Variants in SPIDR observed in about 807,000 individuals in gnomAD.
The protein encoded by SPIDR is DNA repair-scaffolding protein.
Under a neutral mutation model 104.6 loss-of-function variants are expected in SPIDR, and 93 were observed. The ratio of observed to expected loss-of-function variants is 0.89; its 90% CI spans 0.75 to 1.06. The LOEUF (loss-of-function observed/expected upper bound fraction) is 1.06, where lower values mean the gene tolerates loss of function less well. SPIDR is among the 50% of genes least tolerant of loss of function. SPIDR has a pLI of 0.00. For missense variants in SPIDR, 1,154 were observed against 1,111.2 expected, an observed-to-expected ratio of 1.04 and a Z score of -0.55; for synonymous variants, 431 against 416.9, an observed-to-expected ratio of 1.03 and a Z score of -0.41.
intron 2 of SPIDR, among the ~76,000 whole-genome samples, chr8:47,283,571 A>C (rs2038235510): frequency 6.6e-6 from 1 of 152,244 alleles, no homozygotes; most frequent in Non-Finnish European, 1.5e-5. Flanking sequence ...CAGGATTGCC[A>C]GAAATTTTCA....
chr8:47,518,586 G>A (rs773606399), intron 8 of SPIDR, among the ~76,000 whole-genome samples: 3 of 151,884 alleles, frequency 2.0e-5, no homozygotes, highest in Non-Finnish European at 4.4e-5. Context: ...ACAGCCACTC[G>A]CTAGAACTGG....
chr8:47,522,113 G>A (rs1460232919), intron 8 of SPIDR, among the ~76,000 whole-genome samples: 1 of 150,912 alleles, frequency 6.6e-6, no homozygotes, highest in Admixed American at 6.6e-5. Flanking sequence ...GCAGTGAGCC[G>A]AGATCGTGCC....
At chr8:47,552,278 C>T (rs1415379352) in intron 8 of SPIDR, among the ~76,000 whole-genome samples, 3 of 152,148 alleles carry the variant, frequency 2.0e-5, no homozygotes, top group Non-Finnish European at 4.4e-5. Context: ...CTGTAGATGT[C>T]TATTAGGTCT....
chr8:47,698,084 A>G (rs2079613038), intron 11 of SPIDR, among the ~76,000 whole-genome samples: 1 of 152,240 alleles, frequency 6.6e-6, no homozygotes. Flanking sequence ...TAATTAAGTT[A>G]TCAAATCATA....
At chr8:47,275,425 G>T (rs1395103463) in intron 1 of SPIDR, among the ~76,000 whole-genome samples, 5 of 151,678 alleles carry the variant, frequency 3.3e-5, no homozygotes, top group African/African-American at 1.2e-4. Flanking sequence ...TAAATTTAAT[G>T]TCATTAGTTT....
At chr8:47,382,856 C>G (rs1371754755) in intron 5 of SPIDR, among the ~76,000 whole-genome samples, 2 of 152,222 alleles carry the variant, frequency 1.3e-5, no homozygotes, top group South Asian at 4.1e-4. Flanking sequence ...CACTTCCCCC[C>G]ATTGCATACA....
chr8:47,605,337 C>T (rs773232542), intron 10 of SPIDR, among the ~76,000 whole-genome samples: 15 of 152,184 alleles, frequency 9.9e-5, no homozygotes, highest in Non-Finnish European at 1.8e-4. Flanking sequence ...TGGGTCACTT[C>T]ACGAGCAGGA....
intron 10 of SPIDR, among the ~76,000 whole-genome samples, chr8:47,657,537 A>G (rs1456561960): frequency 2.0e-5 from 3 of 152,198 alleles, no homozygotes; most frequent in Non-Finnish European, 4.4e-5. Flanking sequence ...GTATCAAACT[A>G]AATATGTGAC....
At chr8:47,277,322 TATGTTATGTTATGTTA>T (rs2036673105) in intron 1 of SPIDR, among the ~76,000 whole-genome samples, 1 of 19,448 alleles carries the variant, frequency 5.1e-5, no homozygotes, top group Admixed American at 3.9e-4. Context: ...TTTGTTATGT[TATGTTATGTTATGTTA>T]TGTTATGTTA....
chr8:47,587,866 C>G lies in SPIDR; in HGVS notation c.1098-7945C>G, dbSNP rs528500012. ...TTCTGGGTTCTTCTGTTTCATTGAT[C>G]TATGTGTCTATCCCTTCAATAACAC... On this transcript the variant is annotated intron_variant, in intron 8 of 19. Transcript: ENST00000297423. Among the ~76,000 whole-genome samples, 356 of 150,452 alleles carry G rather than the reference C, an allele frequency of 2.4e-3. 1 individual carries two copies. The highest frequency in any genetic ancestry group is 8.4e-3 in the African/African-American group (346 of 41,126).
chr8:47,624,563 C>T (rs901528702), intron 10 of SPIDR, among the ~76,000 whole-genome samples: 5 of 151,550 alleles, frequency 3.3e-5, no homozygotes, highest in South Asian at 2.1e-4. Context: ...ATATCACCAC[C>T]GATCCCACAG....
chr8:47,572,641 G>A (rs932167535), intron 8 of SPIDR, among the ~76,000 whole-genome samples: 11 of 150,446 alleles, frequency 7.3e-5, no homozygotes, highest in African/African-American at 2.7e-4. Flanking sequence ...CCTGCCTGGC[G>A]ACAGAGCAAG....
At chr8:47,583,364 A>T (rs1342475800) in intron 8 of SPIDR, among the ~76,000 whole-genome samples, 1 of 151,330 alleles carries the variant, frequency 6.6e-6, no homozygotes, top group Non-Finnish European at 1.5e-5. Context: ...GTTCATTGGT[A>T]GTGTTGGGTA....
chr8:47,634,315 G>A (rs2067548555), intron 10 of SPIDR, among the ~76,000 whole-genome samples: 1 of 152,144 alleles, frequency 6.6e-6, no homozygotes, highest in Admixed American at 6.5e-5. Flanking sequence ...AGCCAGGCAT[G>A]GTGGCGGGTG....
intron 10 of SPIDR, among the ~76,000 whole-genome samples, chr8:47,625,805 A>G (rs1174991462): frequency 6.6e-6 from 1 of 152,208 alleles, no homozygotes; most frequent in Non-Finnish European, 1.5e-5. Context: ...GAAAATGGCC[A>G]TACTGCCCAA....
At chr8:47,394,580 A>G (rs2061027528) in intron 5 of SPIDR, among the ~76,000 whole-genome samples, 1 of 152,184 alleles carries the variant, frequency 6.6e-6, no homozygotes, top group Admixed American at 6.5e-5. Context: ...CAAGCACCCC[A>G]TTGCACACAC....
chr8:47,701,612 G>A, intron 12 of SPIDR, 109 bp from the exon 13 acceptor site: 1 of 1,044,834 alleles, frequency 9.6e-7, no homozygotes, highest in Non-Finnish European at 1.4e-6. Flanking sequence ...GAGAGAGGAT[G>A]CACCTGTAAG....
chr8:47,360,633 T>A (rs1265688654), intron 5 of SPIDR, among the ~76,000 whole-genome samples: 1 of 152,192 alleles, frequency 6.6e-6, no homozygotes, highest in Non-Finnish European at 1.5e-5. Context: ...CTTGAAAGGA[T>A]GTGATTCCAG....
chr8:47,261,895 GA>G (rs942765141), intron 1 of SPIDR, among the ~76,000 whole-genome samples: 1 of 152,062 alleles, frequency 6.6e-6, no homozygotes, highest in Non-Finnish European at 1.5e-5. Flanking sequence ...ATTAATGTGT[GA>G]AAAAAATCAA....
Sources: allele counts gnomAD v4.1 joint callset (sites outside exome capture counted in the v4.1 genomes callset), GRCh38; gene constraint gnomAD v4.1.1; transcripts MANE v1.5; gene names NCBI Gene and HGNC (gene_info 2026-07-23, HGNC 2026-07-21).